Variants in GADL1 observed in about 807,000 individuals in gnomAD.
GADL1 encodes acidic amino acid decarboxylase GADL1.
In GADL1, 71 loss-of-function variants were observed where a neutral mutation model predicts 69.5. The ratio of observed to expected loss-of-function variants is 1.02; its 90% CI spans 0.84 to 1.25. GADL1 has a LOEUF of 1.25. Ranked by LOEUF, GADL1 falls within the 50% of genes most tolerant of loss-of-function variation. The pLI is 0.00. For missense variants in GADL1, 737 were observed against 631.8 expected (o/e 1.17, Z -1.79); for synonymous variants, 254 against 214.4 (o/e 1.18, Z -1.62).
chr3:30,759,243 G>A (rs1026614231), intron 14 of GADL1, among the ~76,000 whole-genome samples: 2 of 141,524 alleles, frequency 1.4e-5, no homozygotes, highest in East Asian at 2.1e-4. Context: ...CTCTCACAAT[G>A]ATTATGTAAA....
intron 11 of GADL1, among the ~76,000 whole-genome samples, chr3:30,822,122 G>A (rs1012736545): frequency 1.3e-5 from 2 of 152,044 alleles, no homozygotes; most frequent in Non-Finnish European, 2.9e-5. Context: ...TAGATGAATA[G>A]TTAACATGTG....
At chr3:30,768,038 C>A (rs956271489) in intron 14 of GADL1, among the ~76,000 whole-genome samples, 1 of 11,690 alleles carries the variant, frequency 8.6e-5, no homozygotes, top group Non-Finnish European at 2.5e-4. Context: ...TCCCCATACC[C>A]CCCCCCCCCT....
chr3:30,813,153 C>G (rs1697393813), intron 11 of GADL1, among the ~76,000 whole-genome samples: 1 of 152,130 alleles, frequency 6.6e-6, no homozygotes, highest in Non-Finnish European at 1.5e-5. Flanking sequence ...TCCTTCTGAA[C>G]TTCAGGTATT....
chr3:30,889,155 C>T (rs114889280), intron 1 of GADL1, among the ~76,000 whole-genome samples: 1 of 142,030 alleles, frequency 7.0e-6, no homozygotes, highest in Admixed American at 7.5e-5. Context: ...GCTGGGGAAG[C>T]CTTACAATCA....
At position 30,791,278 on chromosome 3, in the gene GADL1, G is replaced by T. The variant is rs181604109; in HGVS notation, c.1251-4872C>A. ...TCCCTTTTCAGGCACAAATGTACTGGCAATCTGTTAACTCAAAAGCTTGTT... is the reference window on the plus strand; with the variant it reads ...TCCCTTTTCAGGCACAAATGTACTGTCAATCTGTTAACTCAAAAGCTTGTT... On this transcript the variant is annotated intron_variant, in intron 12 of 14. Transcript: ENST00000282538. Among the ~76,000 whole-genome samples, 695 of 152,236 alleles carry T rather than the reference G, an allele frequency of 4.6e-3. 2 individuals carry two copies. Among genetic ancestry groups the T allele is most frequent in the Non-Finnish European group, 6.9e-3 (471 of 68,010 alleles).
At chr3:30,752,317 GC>G (rs2125478441) in intron 14 of GADL1, among the ~76,000 whole-genome samples, 1 of 142,524 alleles carries the variant, frequency 7.0e-6, no homozygotes, top group African/African-American at 2.4e-5. Context: ...CGTTGTAGGG[GC>G]CTATCTCTCT....
chr3:30,877,583 G>A (rs987685403), intron 1 of GADL1, among the ~76,000 whole-genome samples: 7 of 151,626 alleles, frequency 4.6e-5, no homozygotes, highest in Admixed American at 3.9e-4. Context: ...TATATTTTTC[G>A]GCCCACATAG....
At chr3:30,860,267 A>G (rs554090037) in intron 2 of GADL1, among the ~76,000 whole-genome samples, 47 of 152,052 alleles carry the variant, frequency 3.1e-4, no homozygotes, top group Non-Finnish European at 5.0e-4. Context: ...TAATGAAAAC[A>G]TATCCTTCCA....
At chr3:30,875,444 G>A (rs985238485) in intron 1 of GADL1, among the ~76,000 whole-genome samples, 19 of 151,754 alleles carry the variant, frequency 1.3e-4, no homozygotes, top group African/African-American at 3.1e-4. Flanking sequence ...CCAGAATATC[G>A]TGGTCTGTGT....
At chr3:30,814,918 T>A (rs1697434398) in intron 11 of GADL1, among the ~76,000 whole-genome samples, 1 of 151,864 alleles carries the variant, frequency 6.6e-6, no homozygotes, top group African/African-American at 2.4e-5. Context: ...GAGCCGAGAT[T>A]GTGCCACTGC....
At chr3:30,808,750 C>T (rs757539737) in intron 11 of GADL1, among the ~76,000 whole-genome samples, 1 of 152,188 alleles carries the variant, frequency 6.6e-6, no homozygotes, top group Admixed American at 6.5e-5. Flanking sequence ...TCTCTAAATG[C>T]AAGTCCACCC....
intron 14 of GADL1, among the ~76,000 whole-genome samples, chr3:30,738,186 A>G (rs964877574): frequency 6.6e-6 from 1 of 152,136 alleles, no homozygotes; most frequent in Admixed American, 6.6e-5. Flanking sequence ...ATGTTGGGAG[A>G]TCCCTGTACT....
chr3:30,784,258 T>TG (rs1170349709), intron 13 of GADL1, among the ~76,000 whole-genome samples: 1 of 152,214 alleles, frequency 6.6e-6, no homozygotes, highest in Non-Finnish European at 1.5e-5. Context: ...TTTTTACAGT[T>TG]GGCTTGTTCA....
At position 30,801,087 on chromosome 3, in the gene GADL1, T is replaced by A; in HGVS notation, c.1052A>T (p.Asp351Val). Residue 351 changes from aspartate (D) to valine (V), a missense_variant and splice_region_variant, in exon 12 of 15, where the codon GAT becomes GTT. Asp to Val is a radical substitution (Grantham distance 152). Transcript: ENST00000282538. ...GGCAGAGTAGCATTTTTTAAGAAGA[T>A]CCTTCGAAAAAGAAAAGATTACAAG... Reference protein sequence around the residue: ...CCALLVKDKSDLLKKCYSAKA... With the variant: ...CCALLVKDKSVLLKKCYSAKA... The A allele has an allele frequency of 6.3e-7, 1 of 1,591,142 alleles. No individual in the cohort carries two copies.
In GADL1 at chr3:30,825,533, T is replaced by G. The variant is rs182307351; in HGVS notation, c.1050+8320A>C. Among the ~76,000 whole-genome samples the G allele has an allele frequency of 4.5e-4, 69 of 152,048 alleles. 2 individuals are homozygous for G. Among genetic ancestry groups the G allele is most frequent in the Middle Eastern group, 3.4e-3 (1 of 294 alleles). On this transcript the variant is annotated intron_variant, in intron 11 of 14. Transcript: ENST00000282538. ...TAGAATTATCAGGTATGTTTTAAGA[T>G]ATCTTCCTTGGAAACCAATATGACA...
chr3:30,785,220 A>G (rs575315598), intron 13 of GADL1, among the ~76,000 whole-genome samples: 1 of 151,820 alleles, frequency 6.6e-6, no homozygotes, highest in African/African-American at 2.4e-5. Context: ...TTCCCTGTTA[A>G]TTAATTTGCT....
intron 12 of GADL1, among the ~76,000 whole-genome samples, chr3:30,796,613 T>C (rs1697037776): frequency 6.6e-6 from 1 of 152,106 alleles, no homozygotes; most frequent in Non-Finnish European, 1.5e-5. Flanking sequence ...CGAAAGAATA[T>C]AGATCTGACA....
At chr3:30,795,650 AAAAG>A (rs1299162048) in intron 12 of GADL1, among the ~76,000 whole-genome samples, 2 of 152,202 alleles carry the variant, frequency 1.3e-5, no homozygotes, top group East Asian at 3.8e-4. Context: ...CAGTAATTTG[AAAAG>A]AAAGAAATCA....
intron 3 of GADL1, among the ~76,000 whole-genome samples, chr3:30,856,562 G>A (rs1212250015): frequency 6.6e-6 from 1 of 152,054 alleles, no homozygotes; most frequent in Non-Finnish European, 1.5e-5. Context: ...ACTGCCAAGA[G>A]TTAATCAGTG....
Sources: allele counts gnomAD v4.1 joint callset (sites outside exome capture counted in the v4.1 genomes callset), GRCh38; gene constraint gnomAD v4.1.1; transcripts MANE v1.5; gene names NCBI Gene and HGNC (gene_info 2026-07-23, HGNC 2026-07-21).